FGGY: variants seen among roughly 807,000 people sequenced by gnomAD.
FGGY encodes FGGY carbohydrate kinase domain containing, also known as FGGY carbohydrate kinase domain-containing protein.
A neutral mutation model predicts 71.3 loss-of-function variants in FGGY; 72 were observed. That is an observed-to-expected ratio of 1.01 (90% CI 0.84 to 1.23). The LOEUF is 1.23. Ranked by LOEUF, FGGY falls within the 50% of genes most tolerant of loss-of-function variation. The pLI is 0.00. For synonymous variants in FGGY, 251 were observed against 250.3 expected (o/e 1.00, Z -0.02); for missense variants, 668 against 682.3 (o/e 0.98, Z 0.23).
rs563406555 is a variant in FGGY, at chr1:59,709,076, A to G, written c.1512+34943A>G. The stretch of plus-strand genomic sequence containing the variant: ...TGTTCATACACACACATACACACAC[A>G]CGCGCGCGCGCATACACGTCCTCAC... On this transcript the variant is annotated intron_variant, in intron 14 of 15. Transcript: ENST00000303721. 1.1e-4 allele frequency among the ~76,000 whole-genome samples: 17 copies of G among 152,364 alleles called. No homozygotes were observed. The South Asian group carries it at 1.7e-3, about 15-fold the overall frequency.
intron 10 of FGGY, 116 bp from the exon 11 acceptor site, chr1:59,638,112 C>A (rs2096980141): frequency 1.9e-6 from 2 of 1,046,808 alleles, no homozygotes; most frequent in Non-Finnish European, 2.8e-6. Context: ...TTCTCTGAAG[C>A]TTTTAGGAGC....
chr1:59,676,115 T>A (rs1354590202), intron 14 of FGGY, among the ~76,000 whole-genome samples: 1 of 152,112 alleles, frequency 6.6e-6, no homozygotes, highest in African/African-American at 2.4e-5. Context: ...ATTTCTGTTG[T>A]TTACCCAGTC....
At chr1:59,492,106 T>C (rs1254646867) in intron 6 of FGGY, among the ~76,000 whole-genome samples, 1 of 152,204 alleles carries the variant, frequency 6.6e-6, no homozygotes, top group Non-Finnish European at 1.5e-5. Context: ...CCTATCATTT[T>C]GTTAATAACT....
At chr1:59,371,287 A>G (rs1220539259) in intron 4 of FGGY, among the ~76,000 whole-genome samples, 24 of 152,280 alleles carry the variant, frequency 1.6e-4, no homozygotes, top group Non-Finnish European at 2.9e-4. Flanking sequence ...CTTTAAACCA[A>G]CAAAGATCAA....
chr1:59,405,612 A>T (rs1423611247), intron 5 of FGGY, among the ~76,000 whole-genome samples: 1 of 152,036 alleles, frequency 6.6e-6, no homozygotes, highest in Non-Finnish European at 1.5e-5. Flanking sequence ...ATTTTTTTTT[A>T]GAGATGGATG....
chr1:59,547,282 GC>G (rs1274397936), intron 7 of FGGY, among the ~76,000 whole-genome samples: 1 of 152,026 alleles, frequency 6.6e-6, no homozygotes, highest in African/African-American at 2.4e-5. Context: ...CCCTTCATTT[GC>G]TAGGCTTGAG....
intron 6 of FGGY, among the ~76,000 whole-genome samples, chr1:59,485,712 A>G (rs1014888542): frequency 5.2e-4 from 79 of 152,216 alleles, no homozygotes; most frequent in African/African-American, 1.9e-3. Context: ...TAGTAAGTTT[A>G]GCTATCATTA....
chr1:59,654,182 T>G (rs889732763), intron 11 of FGGY, among the ~76,000 whole-genome samples: 1 of 152,230 alleles, frequency 6.6e-6, no homozygotes, highest in South Asian at 2.1e-4. Context: ...TTAGCCTAGA[T>G]TCCAGACACT....
chr1:59,697,598 G>A (rs1010936462), intron 14 of FGGY: 43 of 1,068,280 alleles, frequency 4.0e-5, no homozygotes, highest in Non-Finnish European at 5.2e-5. Flanking sequence ...TATAACCATC[G>A]TCGCTGTGAA....
chr1:59,533,353 C>A (rs1171678691), intron 7 of FGGY, among the ~76,000 whole-genome samples: 1 of 152,230 alleles, frequency 6.6e-6, no homozygotes, highest in Non-Finnish European at 1.5e-5. Context: ...GGGTCCTACG[C>A]CCACGGAGTC....
intron 8 of FGGY, among the ~76,000 whole-genome samples, chr1:59,606,897 G>A (rs554542810): frequency 4.9e-4 from 74 of 151,980 alleles, no homozygotes; most frequent in Admixed American, 1.6e-3. Flanking sequence ...CTATTTTTTT[G>A]TATAGCTCCT....
At chr1:59,387,657 G>A (rs1393140062) in intron 5 of FGGY, among the ~76,000 whole-genome samples, 1 of 152,048 alleles carries the variant, frequency 6.6e-6, no homozygotes, top group East Asian at 1.9e-4. Context: ...ATGGCATATT[G>A]AACACCCTTA....
intron 6 of FGGY, among the ~76,000 whole-genome samples, chr1:59,501,423 GAA>G (rs78590825): frequency 6.9e-6 from 1 of 145,940 alleles, no homozygotes. Context: ...ATTTGATTGT[GAA>G]AAAAAAAAGC....
intron 5 of FGGY, among the ~76,000 whole-genome samples, chr1:59,433,370 G>A (rs1027711170): frequency 1.1e-4 from 16 of 152,152 alleles, no homozygotes; most frequent in African/African-American, 3.1e-4. Context: ...GTTCATATCC[G>A]AAAAGGGCAT....
chr1:59,321,868 T>C, intron 2 of FGGY, 118 bp downstream of exon 2: 1 of 997,470 alleles, frequency 1.0e-6, no homozygotes, highest in Non-Finnish European at 1.5e-6. Flanking sequence ...AAGCAAGACA[T>C]AGGCCTTGCC....
intron 13 of FGGY, among the ~76,000 whole-genome samples, chr1:59,667,986 A>G (rs1056893057): frequency 6.6e-6 from 1 of 152,230 alleles, no homozygotes; most frequent in African/African-American, 2.4e-5. Context: ...GCTGGATGCT[A>G]TAGGATCTGT....
intron 7 of FGGY, among the ~76,000 whole-genome samples, chr1:59,533,219 C>T (rs1425730195): frequency 1.3e-5 from 2 of 150,322 alleles, no homozygotes; most frequent in Admixed American, 6.6e-5. Flanking sequence ...CAGGGAGTTC[C>T]CTTTCCTAGT....
chr1:59,377,879 T>C (rs1177238132), intron 4 of FGGY, among the ~76,000 whole-genome samples: 1 of 152,172 alleles, frequency 6.6e-6, no homozygotes, highest in African/African-American at 2.4e-5. Context: ...CATTTTGCAA[T>C]ACAGAGAACC....
chr1:59,603,735 C>CT lies in FGGY; in HGVS notation c.904-4063dup, dbSNP rs1452060717. 2.0e-5 allele frequency among the ~76,000 whole-genome samples: 3 copies of CT among 152,202 alleles called. No homozygotes were observed. In the East Asian group the frequency reaches 5.8e-4, roughly 29 times the overall value. ...TATATCAGGGAACACTTAATGGAAACTTTTTAGAAATGAAGATTCCCTAAC... is the reference window on the plus strand; with the variant it reads ...TATATCAGGGAACACTTAATGGAAACTTTTTTAGAAATGAAGATTCCCTAAC... On this transcript the variant is annotated intron_variant, in intron 8 of 15. Coordinates refer to ENST00000303721, the MANE Select transcript of FGGY (RefSeq NM_018291.5).
Sources: gnomAD v4.1 joint callset for allele counts (sites outside exome capture counted in the v4.1 genomes callset) on GRCh38, gnomAD v4.1.1 for gene constraint, MANE v1.5 for transcripts, NCBI Gene and HGNC (gene_info 2026-07-23, HGNC 2026-07-21) for gene names.